FGF14: variants seen among roughly 807,000 people sequenced by gnomAD.
FGF14 encodes the protein fibroblast growth factor homologous factor 4.
A neutral mutation model predicts 25.5 loss-of-function variants in FGF14; 5 were observed. The observed-to-expected ratio is 0.20, with a 90% confidence interval of 0.10 to 0.41. The LOEUF (loss-of-function observed/expected upper bound fraction) is 0.41, where lower values mean the gene tolerates loss of function less well. Ranked by LOEUF, FGF14 falls within the 10% of genes least tolerant of loss-of-function variation. The probability of loss-of-function intolerance (pLI) is 1.00; values close to 1 mark genes in which losing one functional copy is unlikely to be tolerated. For synonymous variants in FGF14, 138 were observed against 118.3 expected (o/e 1.17, Z -1.08); for missense variants, 222 against 320.1 (o/e 0.69, Z 2.34).
At chr13:101,840,391 G>A (rs1402402053) in intron 3 of FGF14, among the ~76,000 whole-genome samples, 1 of 151,302 alleles carries the variant, frequency 6.6e-6, no homozygotes, top group African/African-American at 2.4e-5. Context: ...TTATTTCTCA[G>A]TTACTTAAAA....
At chr13:101,755,427 G>A (rs1468280277) in intron 3 of FGF14, among the ~76,000 whole-genome samples, 2 of 151,910 alleles carry the variant, frequency 1.3e-5, no homozygotes, top group East Asian at 1.9e-4. Context: ...CTTGCACCTC[G>A]GAGTTTCAGT....
intron 3 of FGF14, among the ~76,000 whole-genome samples, chr13:101,816,269 C>CAAAATAAAAAAAAAAAAAAAAAAA (rs2041844620): frequency 1.1e-5 from 1 of 89,050 alleles, no homozygotes; most frequent in African/African-American, 5.0e-5. Context: ...GACTCCGTCT[C>CAAAATAAAAAAAAAAAAAAAAAAA]AAAAAAAAAA....
At chr13:102,286,873 C>T (rs927029620) in intron 1 of FGF14, among the ~76,000 whole-genome samples, 3 of 152,096 alleles carry the variant, frequency 2.0e-5, no homozygotes, top group African/African-American at 7.2e-5. Flanking sequence ...CAAACATTTT[C>T]CTTATTCTCT....
intron 1 of FGF14, among the ~76,000 whole-genome samples, chr13:102,309,156 A>ACACACC (rs1555398971): frequency 6.6e-6 from 1 of 151,726 alleles, no homozygotes; most frequent in East Asian, 1.9e-4. Flanking sequence ...ACACACACAC[A>ACACACC]CACACACACA....
At chr13:102,068,689 C>G (rs1018363837) in intron 1 of FGF14, among the ~76,000 whole-genome samples, 1 of 152,210 alleles carries the variant, frequency 6.6e-6, no homozygotes, top group African/African-American at 2.4e-5. Flanking sequence ...GATTTCTCGC[C>G]GGGCCTTAGC....
intron 1 of FGF14, among the ~76,000 whole-genome samples, chr13:102,063,136 CATA>C (rs746408925): frequency 6.6e-6 from 1 of 152,070 alleles, no homozygotes; most frequent in Non-Finnish European, 1.5e-5. Flanking sequence ...TTTGTATTCA[CATA>C]ATATTATTAA....
intron 1 of FGF14, among the ~76,000 whole-genome samples, chr13:102,273,354 C>A (rs1310809611): frequency 6.6e-6 from 1 of 152,182 alleles, no homozygotes; most frequent in Non-Finnish European, 1.5e-5. Context: ...CATGTAATTT[C>A]CTTCCTGTGC....
At chr13:102,313,082 A>G (rs1260538297) in intron 1 of FGF14, among the ~76,000 whole-genome samples, 1 of 152,202 alleles carries the variant, frequency 6.6e-6, no homozygotes, top group Non-Finnish European at 1.5e-5. Context: ...AGCACCTTCC[A>G]AGCACTGATA....
chr13:101,914,960 A>G (rs775593470), intron 1 of FGF14, among the ~76,000 whole-genome samples: 15 of 152,322 alleles, frequency 9.8e-5, no homozygotes, highest in Non-Finnish European at 1.8e-4. Flanking sequence ...GTCTCATTAC[A>G]CAAAGGTGGG....
At chr13:101,855,727 A>C (rs1160546744) in intron 3 of FGF14, among the ~76,000 whole-genome samples, 1 of 151,968 alleles carries the variant, frequency 6.6e-6, no homozygotes, top group East Asian at 1.9e-4. Flanking sequence ...CATGAAGCAT[A>C]AAGTAAAATA....
At chr13:101,968,573 T>G (rs1011535934) in intron 1 of FGF14, among the ~76,000 whole-genome samples, 1 of 147,198 alleles carries the variant, frequency 6.8e-6, no homozygotes, top group African/African-American at 2.5e-5. Flanking sequence ...CTCGGGAGGC[T>G]GAGGCAGGAG....
intron 1 of FGF14, among the ~76,000 whole-genome samples, chr13:102,074,583 TTA>T (rs1448164649): frequency 6.6e-6 from 1 of 152,184 alleles, no homozygotes; most frequent in Non-Finnish European, 1.5e-5. Context: ...TCTAAACATT[TTA>T]TGAGGCCAAC....
intron 3 of FGF14, among the ~76,000 whole-genome samples, chr13:101,767,341 T>C (rs902008213): frequency 2.0e-5 from 3 of 152,166 alleles, no homozygotes; most frequent in African/African-American, 7.2e-5. Flanking sequence ...TTAATTGGTC[T>C]GGTGTGATAC....
At chr13:101,921,826 C>T (rs940155669), upstream of FGF14, among the ~76,000 whole-genome samples, 3 of 152,204 alleles carry the variant, frequency 2.0e-5, no homozygotes, top group Non-Finnish European at 4.4e-5. Context: ...TTGCATTTGA[C>T]TCTCATCTCC....
At chr13:101,739,726 G>A (rs935092072) in intron 3 of FGF14, among the ~76,000 whole-genome samples, 4 of 152,192 alleles carry the variant, frequency 2.6e-5, no homozygotes, top group Non-Finnish European at 5.9e-5. Context: ...AGTGAAACCA[G>A]TGGTCACATT....
intron 1 of FGF14, among the ~76,000 whole-genome samples, chr13:101,886,939 A>T (rs1471868953): frequency 6.6e-6 from 1 of 152,186 alleles, no homozygotes; most frequent in Non-Finnish European, 1.5e-5. Flanking sequence ...TTATATTTTT[A>T]AAATGTTCAG....
chr13:102,201,355 G>A (rs9518650), intron 1 of FGF14, among the ~76,000 whole-genome samples: 8,227 of 152,054 alleles, frequency 0.054, 412 homozygotes, highest in East Asian at 0.16. Context: ...AAATCTATCC[G>A]TGAACATGTA....
At chr13:101,851,963 G>A (rs1427281593) in intron 3 of FGF14, among the ~76,000 whole-genome samples, 1 of 152,124 alleles carries the variant, frequency 6.6e-6, no homozygotes, top group East Asian at 1.9e-4. Flanking sequence ...TGTAGGTGGT[G>A]GAATCAGAGG....
chr13:101,908,268 C>A (rs961504945), intron 1 of FGF14, among the ~76,000 whole-genome samples: 1 of 152,174 alleles, frequency 6.6e-6, no homozygotes, highest in Non-Finnish European at 1.5e-5. Context: ...AGTAGGCAGG[C>A]AGATGGGCTA....
Sources: gnomAD v4.1 joint callset for allele counts (sites outside exome capture counted in the v4.1 genomes callset) on GRCh38, gnomAD v4.1.1 for gene constraint, MANE v1.5 for transcripts, NCBI Gene and HGNC (gene_info 2026-07-23, HGNC 2026-07-21) for gene names.